The following HDAC2 variants were observed in gnomAD, a reference collection of about 807,000 sequenced individuals.
HDAC2 encodes YY1-associated factor 1.
In HDAC2, 5 loss-of-function variants were observed where a neutral mutation model predicts 68.5. The observed-to-expected ratio is 0.07, with a 90% CI of 0.04 to 0.15. The LOEUF is 0.15. Ranked by LOEUF, HDAC2 falls within the 10% of genes least tolerant of loss-of-function variation. The pLI, the probability that HDAC2 is intolerant of heterozygous loss-of-function variation, is 1.00. For synonymous variants in HDAC2, 182 were observed against 191.3 expected, an observed-to-expected ratio of 0.95 and a Z score of 0.40; for missense variants, 291 against 600.8, an observed-to-expected ratio of 0.48 and a Z score of 5.39.
intron 6 of HDAC2, among the ~76,000 whole-genome samples, chr6:113,951,560 C>T (rs974399944): frequency 2.5e-4 from 38 of 151,562 alleles, no homozygotes; most frequent in African/African-American, 8.5e-4. Context: ...CTCCGCCTCC[C>T]GGGTTCACGC....
chr6:113,937,626 T>C lies in HDAC2; in HGVS notation c.*3432A>G, dbSNP rs1306581856. 1 of 152,220 alleles carries C rather than the reference T, an allele frequency of 6.6e-6. No individual in the cohort carries two copies. The highest frequency in any genetic ancestry group is 1.5e-5 in the Non-Finnish European group (1 of 68,108). The allele number at this position is 152,220 out of a possible 1,614,324, so 9.4% of individuals were successfully genotyped here. A position where few individuals can be genotyped will look rare whatever the true frequency, so the allele number is the denominator to read the frequency against. ...GTGGCTCATGCCTGAGTCAGGAGAA[T>C]CGCTTGAGCCTAGGAGTTTGTGACC... On this transcript the variant is annotated 3_prime_UTR_variant, in exon 14 of 14. Transcript: ENST00000519065.
intron 12 of HDAC2, among the ~76,000 whole-genome samples, chr6:113,942,398 G>C (rs1287498783): frequency 6.8e-6 from 1 of 146,564 alleles, no homozygotes; most frequent in Non-Finnish European, 1.5e-5. Context: ...AGAACTAAAT[G>C]TGTCAGATGT....
chr6:113,953,511 T>G, intron 5 of HDAC2, 93 bp from the exon 6 acceptor site: 1 of 682,138 alleles, frequency 1.5e-6, no homozygotes. Context: ...TTTGAGCTCT[T>G]GCATTCCAGA....
intron 8 of HDAC2, chr6:113,946,998 T>C (rs1036622304): frequency 5.9e-5 from 9 of 152,168 alleles, no homozygotes; most frequent in African/African-American, 2.2e-4. Flanking sequence ...TTACAAAGTT[T>C]ATCTGTTCTC....
intron 10 of HDAC2, among the ~76,000 whole-genome samples, chr6:113,944,640 T>A (rs1484784550): frequency 6.6e-6 from 1 of 152,126 alleles, no homozygotes. Context: ...GGACTACAAG[T>A]GTATGCCACC....
chr6:113,934,443 T>C lies in HDAC2; in HGVS notation c.*6615A>G, dbSNP rs926784907. The C allele has an allele frequency of 3.3e-5, 5 of 152,344 alleles. No homozygotes were observed. The highest frequency in any genetic ancestry group is 1.2e-4 in the African/African-American group (5 of 41,576). The allele number at this position is 152,344 out of a possible 1,614,324, so 9.4% of individuals were successfully genotyped here. On this transcript the variant is annotated 3_prime_UTR_variant, in exon 14 of 14. Transcript: ENST00000519065. ...GCTGGTGCTAGACCCATATATGTGA[T>C]TTCCAGTGCATTGTTCTTTACTTGT... is the stretch of plus-strand genomic sequence containing the variant.
At chr6:113,950,218 A>G (rs1776376606) in intron 6 of HDAC2, among the ~76,000 whole-genome samples, 1 of 152,004 alleles carries the variant, frequency 6.6e-6, no homozygotes, top group Admixed American at 6.5e-5. Context: ...ATATATACAT[A>G]TATTATATAT....
At chr6:113,957,625 C>T (rs1159167311) in intron 3 of HDAC2, among the ~76,000 whole-genome samples, 4 of 152,036 alleles carry the variant, frequency 2.6e-5, no homozygotes, top group Non-Finnish European at 5.9e-5. Context: ...AGTGGGATTA[C>T]AGGCGCGCAC....
chr6:113,955,792 TGGGCCATA>T lies in HDAC2; in HGVS notation c.497+213_497+220del, dbSNP rs1582489090. 1.6e-5 allele frequency: 7 copies of T among 433,158 alleles called. 1 individual carries two copies. The East Asian group carries it at 2.7e-4, about 17-fold the overall frequency. The allele number at this position is 433,158 out of a possible 1,614,324, so 26.8% of individuals were successfully genotyped here. A position where few individuals can be genotyped will look rare whatever the true frequency, so the allele number is the denominator to read the frequency against. ...TCCCAAAGTGGAGGGATTACAGGCC[TGGGCCATA>T]GTGCCTGGCCACACTTCTAAGTCTT... On this transcript the variant is annotated intron_variant, in intron 5 of 13. Transcript: ENST00000519065.
intron 1 of HDAC2, among the ~76,000 whole-genome samples, chr6:113,966,961 T>G (rs1194583420): frequency 1.3e-5 from 2 of 152,236 alleles, no homozygotes; most frequent in Admixed American, 1.3e-4. Context: ...TTATTACCTA[T>G]TTCACGGATA....
chr6:113,951,290 TAGC>T (rs1345731249), intron 6 of HDAC2, among the ~76,000 whole-genome samples: 3 of 152,180 alleles, frequency 2.0e-5, no homozygotes, highest in African/African-American at 7.2e-5. Context: ...GAGAATGAAT[TAGC>T]AGGCAGAAAA....
intron 6 of HDAC2, 32 bp downstream of exon 6, chr6:113,953,245 A>G (rs761143388): frequency 4.5e-6 from 7 of 1,553,646 alleles, no homozygotes; most frequent in Non-Finnish European, 6.2e-6. Flanking sequence ...GGTTCATCTC[A>G]CAATATTTTT....
intron 9 of HDAC2, 117 bp from the exon 10 acceptor site, chr6:113,945,587 C>A: frequency 1.4e-6 from 1 of 692,198 alleles, no homozygotes; most frequent in Non-Finnish European, 2.6e-6. Flanking sequence ...TAAAAGTGAA[C>A]ACAAAGTGAA....
At chr6:113,955,463 G>A (rs577748652) in intron 5 of HDAC2, among the ~76,000 whole-genome samples, 71 of 152,052 alleles carry the variant, frequency 4.7e-4, no homozygotes, top group African/African-American at 1.5e-3. Flanking sequence ...CACCCACCTC[G>A]TCCTCCCAAA....
Position 113,934,844 on chromosome 6 carries a change from A to G in HDAC2, c.*6214T>C, listed in dbSNP as rs1775968251. 1 of 152,236 alleles carries G rather than the reference A, an allele frequency of 6.6e-6. No homozygotes were observed. The highest frequency in any genetic ancestry group is 1.9e-4 in the East Asian group (1 of 5,202). The allele number at this position is 152,236 out of a possible 1,614,324, so 9.4% of individuals were successfully genotyped here. On this transcript the variant is annotated 3_prime_UTR_variant, in exon 14 of 14. Coordinates refer to ENST00000519065, the MANE Select transcript of HDAC2 (RefSeq NM_001527.4). ...ACTATACAAGTAAATGTGTTTGACA[A>G]TAACAATGCTTATTTGATTGTTGGG... is the stretch of plus-strand genomic sequence containing the variant.
chr6:113,967,329 A>G (rs1582500779), intron 1 of HDAC2, among the ~76,000 whole-genome samples: 1 of 152,074 alleles, frequency 6.6e-6, no homozygotes, highest in Admixed American at 6.6e-5. Flanking sequence ...GGGTTTCGCC[A>G]TGTTGGCCAG....
At chr6:113,968,104 A>T (rs1312532898) in intron 1 of HDAC2, among the ~76,000 whole-genome samples, 1 of 152,210 alleles carries the variant, frequency 6.6e-6, no homozygotes, top group Non-Finnish European at 1.5e-5. Flanking sequence ...AGTGGCAGAC[A>T]TTCTGTGTGG....
At position 113,970,789 on chromosome 6, in the gene HDAC2, G is replaced by A. The variant is rs751946107; in HGVS notation, c.52+68C>T. The A allele has an allele frequency of 6.2e-6, 9 of 1,444,860 alleles. No homozygotes were observed. In the African/African-American group the frequency reaches 8.9e-5, roughly 14 times the overall value. 89.5% of individuals were successfully genotyped at this position (1,444,860 alleles called of 1,614,324 possible). ...CACCCCTCAGCCCCGGCGCCCACTCGCGACGGCAGCCGCGGAACCCAGCGC... is the reference window on the plus strand; with the variant it reads ...CACCCCTCAGCCCCGGCGCCCACTCACGACGGCAGCCGCGGAACCCAGCGC... On this transcript the variant is annotated intron_variant, in intron 1 of 13. Transcript: ENST00000519065.
chr6:113,970,664 C>A (rs1776973515), intron 1 of HDAC2, 193 bp downstream of exon 1: 1 of 1,351,594 alleles, frequency 7.4e-7, no homozygotes, highest in Admixed American at 3.8e-5. Flanking sequence ...TTCCCGCCCG[C>A]AGGAACCGCG....
Sources: allele counts gnomAD v4.1 joint callset (sites outside exome capture counted in the v4.1 genomes callset), GRCh38; gene constraint gnomAD v4.1.1; transcripts MANE v1.5; gene names NCBI Gene and HGNC (gene_info 2026-07-23, HGNC 2026-07-21).